Variants in SMARCA2 observed in about 807,000 individuals in gnomAD.
SMARCA2 encodes the protein SWI/SNF related BAF chromatin remodeling complex subunit ATPase 2.
In SMARCA2, 61 loss-of-function variants were observed where a neutral mutation model predicts 199.8. The ratio of observed to expected loss-of-function variants is 0.31; its 90% CI spans 0.25 to 0.38. The LOEUF is 0.38. SMARCA2 is among the 10% of genes least tolerant of loss of function. The pLI, the probability that SMARCA2 is intolerant of heterozygous loss-of-function variation, is 1.00. For synonymous variants in SMARCA2, 935 were observed against 732.0 expected (o/e 1.28, Z -4.48); for missense variants, 1,344 against 2,012.2 (o/e 0.67, Z 6.35).
At chr9:2,159,251 A>G (rs1825540721) in intron 27 of SMARCA2, among the ~76,000 whole-genome samples, 2 of 152,234 alleles carry the variant, frequency 1.3e-5, no homozygotes, top group South Asian at 2.1e-4. Flanking sequence ...AAGAAAAACA[A>G]TGAAAAATTT....
At chr9:2,118,977 C>G (rs1184915390) in intron 25 of SMARCA2, among the ~76,000 whole-genome samples, 1 of 152,012 alleles carries the variant, frequency 6.6e-6, no homozygotes, top group Non-Finnish European at 1.5e-5. Context: ...GTCTTAGTGC[C>G]TAGTAACAAG....
chr9:2,100,603 G>A (rs1289893835), intron 21 of SMARCA2, among the ~76,000 whole-genome samples: 2 of 152,024 alleles, frequency 1.3e-5, no homozygotes, highest in East Asian at 1.9e-4. Flanking sequence ...TCAGGAGTCT[G>A]AGGCAGGAGA....
At chr9:2,025,176 C>G (rs142609922) in intron 1 of SMARCA2, among the ~76,000 whole-genome samples, 2 of 152,244 alleles carry the variant, frequency 1.3e-5, no homozygotes, top group African/African-American at 2.4e-5. Context: ...CACACACTCT[C>G]TAGTTGTGAA....
intron 31 of SMARCA2, among the ~76,000 whole-genome samples, chr9:2,184,953 G>A (rs979032224): frequency 5.3e-5 from 8 of 152,164 alleles, no homozygotes; most frequent in African/African-American, 1.7e-4. Flanking sequence ...TTTTTTGAAC[G>A]AGTAGGTCTT....
chr9:2,189,394 G>GCA (rs1425008684), intron 32 of SMARCA2, among the ~76,000 whole-genome samples: 1 of 151,972 alleles, frequency 6.6e-6, no homozygotes, highest in Non-Finnish European at 1.5e-5. Context: ...ACACTCCAAG[G>GCA]CACATTTAGA....
rs138990907 is a variant in SMARCA2 at position 2,188,092 on chromosome 9, T to C, written c.4594+1864T>C. ...AAAAATTATTAGGTTTCTAATTACA[T>C]GTTAATACAGATGATTTGGAAAATG... On this transcript the variant is annotated intron_variant, in intron 32 of 33. Transcript: ENST00000349721. Among the ~76,000 whole-genome samples, 580 of 152,336 alleles carry C rather than the reference T, an allele frequency of 3.8e-3. 1 individual carries two copies. The highest frequency in any genetic ancestry group is 0.013 in the African/African-American group (539 of 41,584).
At chr9:2,138,209 T>G (rs1270657142) in intron 27 of SMARCA2, among the ~76,000 whole-genome samples, 1 of 152,184 alleles carries the variant, frequency 6.6e-6, no homozygotes, top group East Asian at 1.9e-4. Flanking sequence ...TAAATACATC[T>G]AACTTAAAAT....
At chr9:2,092,970 G>A (rs1822125761) in intron 19 of SMARCA2, among the ~76,000 whole-genome samples, 1 of 152,216 alleles carries the variant, frequency 6.6e-6, no homozygotes, top group African/African-American at 2.4e-5. Context: ...TCGTCACTGT[G>A]ATTCAGTGTG....
chr9:2,182,077 A>T, intron 30 of SMARCA2, 64 bp from the exon 31 acceptor site: 1 of 1,047,584 alleles, frequency 9.5e-7, no homozygotes, highest in Non-Finnish European at 1.5e-6. Flanking sequence ...TTGTTAACTA[A>T]GTAATGATCG....
At chr9:2,136,030 TG>T (rs1824180089) in intron 27 of SMARCA2, among the ~76,000 whole-genome samples, 1 of 147,782 alleles carries the variant, frequency 6.8e-6, no homozygotes, top group South Asian at 2.2e-4. Flanking sequence ...TTAGTAGACA[TG>T]GGGTTTCACC....
chr9:2,175,647 G>A (rs754907939), intron 29 of SMARCA2, among the ~76,000 whole-genome samples: 7 of 152,158 alleles, frequency 4.6e-5, no homozygotes, highest in African/African-American at 1.4e-4. Flanking sequence ...TTCAATGAAG[G>A]TAACCCAATT....
Position 2,123,961 on chromosome 9 carries a change from C to G in SMARCA2, c.3981+24C>G. ...GGGTAAGCCTAGCTTTTCTAACCCG[C>G]TCTCACTAGGTGGAGGGTTTTTGGT... On this transcript the variant is annotated intron_variant, in intron 27 of 33. Transcript: ENST00000349721. This position sits in a 1 kb window ranked among gnomAD's most constrained non-coding sequence, Gnocchi z 4.1. The G allele has an allele frequency of 6.5e-7, 1 of 1,537,102 alleles. No individual in the cohort carries two copies. The highest frequency in any genetic ancestry group is 8.8e-7 in the Non-Finnish European group (1 of 1,134,680).
intron 27 of SMARCA2, among the ~76,000 whole-genome samples, chr9:2,143,393 C>T (rs1170125876): frequency 6.6e-6 from 1 of 152,148 alleles, no homozygotes; most frequent in Non-Finnish European, 1.5e-5. Context: ...GAGTTCAAAG[C>T]CTGAGCGTAT....
At position 2,025,340 on chromosome 9, in the gene SMARCA2, C is replaced by A. The variant is rs539300588; in HGVS notation, c.-36-3647C>A. 1.4e-4 allele frequency among the ~76,000 whole-genome samples: 21 copies of A among 152,186 alleles called. No individual in the cohort carries two copies. In the East Asian group the frequency reaches 3.5e-3, roughly 25 times the overall value. Reference sequence around the variant, plus strand: ...GTGTATGGGGAGGTTGCTGTGCCCCCCTCTCCCCAGATACATTTTTGTCAT... The same window carrying A: ...GTGTATGGGGAGGTTGCTGTGCCCCACTCTCCCCAGATACATTTTTGTCAT... On this transcript the variant is annotated intron_variant, in intron 1 of 33. Transcript: ENST00000349721.
chr9:2,092,724 G>T (rs1421642201), intron 19 of SMARCA2, among the ~76,000 whole-genome samples: 1 of 152,144 alleles, frequency 6.6e-6, no homozygotes, highest in Non-Finnish European at 1.5e-5. Flanking sequence ...GATACATGAG[G>T]TCAGCACCTC....
At chr9:2,096,879 C>T in intron 20 of SMARCA2, 115 bp downstream of exon 20, 1 of 716,418 alleles carries the variant, frequency 1.4e-6, no homozygotes, top group Non-Finnish European at 2.5e-6. Flanking sequence ...AAGTAAATCA[C>T]TGGACCTCCT....
chr9:2,098,250 G>A (rs1822358014), intron 21 of SMARCA2, among the ~76,000 whole-genome samples: 1 of 152,200 alleles, frequency 6.6e-6, no homozygotes, highest in African/African-American at 2.4e-5. Flanking sequence ...GAGACATAGA[G>A]AACATCACTG....
At chr9:2,019,484 G>A (rs1818510651) in intron 1 of SMARCA2, among the ~76,000 whole-genome samples, 1 of 143,758 alleles carries the variant, frequency 7.0e-6, no homozygotes, top group Non-Finnish European at 1.5e-5. Context: ...AACACCTGAG[G>A]CTTAGAATTG....
At position 2,123,459 on chromosome 9, in the gene SMARCA2, G is replaced by C. The variant is rs1478520055; in HGVS notation, c.3763-260G>C. Among the ~76,000 whole-genome samples, 2 of 152,138 alleles carry C rather than the reference G, an allele frequency of 1.3e-5. No individual in the cohort carries two copies. Among genetic ancestry groups the C allele is most frequent in the Non-Finnish European group, 2.9e-5 (2 of 68,028 alleles). On this transcript the variant is annotated intron_variant, in intron 26 of 33. Transcript: ENST00000349721. This position sits in a 1 kb window ranked among gnomAD's most constrained non-coding sequence, Gnocchi z 4.1. ...GGAGCTTTGCATACACACAGACTAA[G>C]AAAAGGAAATTCTTTAAAAGTACTT...
Sources: gnomAD v4.1 joint callset for allele counts (sites outside exome capture counted in the v4.1 genomes callset) on GRCh38, gnomAD v4.1.1 for gene constraint, Gnocchi (gnomAD v3.1) non-coding constraint, MANE v1.5 for transcripts, NCBI Gene and HGNC (gene_info 2026-07-23, HGNC 2026-07-21) for gene names.